DCC: variants seen among roughly 807,000 people sequenced by gnomAD.
DCC encodes DCC netrin 1 receptor, also known as netrin receptor DCC.
A neutral mutation model predicts 172.5 loss-of-function variants in DCC; 58 were observed. That is an observed-to-expected ratio of 0.34 (90% CI 0.27 to 0.42). DCC has a LOEUF of 0.42. Among genes scored for constraint, DCC ranks in the 10% least tolerant of loss-of-function variants. The pLI is 1.00. For missense variants in DCC, 1,740 were observed against 1,791.0 expected, an observed-to-expected ratio of 0.97 and a Z score of 0.51; for synonymous variants, 709 against 644.5, an observed-to-expected ratio of 1.10 and a Z score of -1.52.
chr18:52,417,087 A>G (rs372652776), intron 1 of DCC, among the ~76,000 whole-genome samples: 4 of 151,998 alleles, frequency 2.6e-5, no homozygotes, highest in Non-Finnish European at 4.4e-5. Context: ...AAATCTCTCA[A>G]CATTTGCTTA....
chr18:52,783,803 C>T (rs1041307424), intron 2 of DCC, among the ~76,000 whole-genome samples: 9 of 151,804 alleles, frequency 5.9e-5, no homozygotes, highest in Admixed American at 1.3e-4. Flanking sequence ...GCAATACATA[C>T]TTCATAAATT....
rs9953412 is a variant in DCC, at chr18:52,785,171, C to A, written c.412+32797C>A. Among the ~76,000 whole-genome samples the A allele has an allele frequency of 2.5e-3, 384 of 152,034 alleles. 2 individuals are homozygous for A. The highest frequency in any genetic ancestry group is 8.7e-3 in the African/African-American group (360 of 41,496). Reference sequence around the variant, plus strand: ...CCATCTTGATTCCTGTTGATTGACACCAGTAAGATTGGCACCATTTGCTCT... The same window carrying A: ...CCATCTTGATTCCTGTTGATTGACAACAGTAAGATTGGCACCATTTGCTCT... On this transcript the variant is annotated intron_variant, in intron 2 of 28. Coordinates refer to ENST00000442544, the MANE Select transcript of DCC (RefSeq NM_005215.4).
chr18:52,883,285 G>A (rs1037445831), intron 2 of DCC, among the ~76,000 whole-genome samples: 3 of 150,492 alleles, frequency 2.0e-5, no homozygotes, highest in African/African-American at 7.3e-5. Context: ...ACTTATTCCT[G>A]TCACTTTGTT....
At chr18:53,072,210 A>G (rs991955268) in intron 7 of DCC, among the ~76,000 whole-genome samples, 7 of 152,172 alleles carry the variant, frequency 4.6e-5, no homozygotes, top group African/African-American at 1.4e-4. Context: ...CAGGTAAGCA[A>G]TAAGTTAGGA....
intron 12 of DCC, among the ~76,000 whole-genome samples, chr18:53,278,167 G>A (rs2056828394): frequency 6.6e-6 from 1 of 151,878 alleles, no homozygotes; most frequent in Non-Finnish European, 1.5e-5. Flanking sequence ...TTGGCACAGT[G>A]TACATTAAAA....
At chr18:53,369,403 A>G (rs989457891) in intron 15 of DCC, among the ~76,000 whole-genome samples, 1 of 151,924 alleles carries the variant, frequency 6.6e-6, no homozygotes, top group Non-Finnish European at 1.5e-5. Context: ...AGGGTTTTAT[A>G]TGCATAAGAC....
At chr18:52,442,832 A>G (rs752043166) in intron 1 of DCC, among the ~76,000 whole-genome samples, 2 of 152,142 alleles carry the variant, frequency 1.3e-5, no homozygotes, top group Non-Finnish European at 2.9e-5. Context: ...ACCTTGCTCT[A>G]CATCGGGTCA....
At chr18:52,999,523 T>C (rs1286478351) in intron 5 of DCC, among the ~76,000 whole-genome samples, 1 of 151,944 alleles carries the variant, frequency 6.6e-6, no homozygotes, top group Non-Finnish European at 1.5e-5. Context: ...ACTAAGAAAG[T>C]GAATTTGGGC....
At chr18:52,532,222 T>C (rs1298949721) in intron 1 of DCC, among the ~76,000 whole-genome samples, 1 of 152,170 alleles carries the variant, frequency 6.6e-6, no homozygotes, top group Non-Finnish European at 1.5e-5. Context: ...TGTTGGCACT[T>C]AGAAAAAAAG....
chr18:53,258,211 T>G (rs983728603), intron 12 of DCC, among the ~76,000 whole-genome samples: 2 of 152,174 alleles, frequency 1.3e-5, no homozygotes, highest in African/African-American at 4.8e-5. Context: ...CTCTATTTCC[T>G]TCAGTTCTGC....
At chr18:52,582,013 T>G (rs2033561125) in intron 1 of DCC, among the ~76,000 whole-genome samples, 1 of 152,100 alleles carries the variant, frequency 6.6e-6, no homozygotes, top group Non-Finnish European at 1.5e-5. Context: ...GTATGCAACT[T>G]TTTATGATTC....
At chr18:53,169,644 T>G (rs1329422481) in intron 8 of DCC, among the ~76,000 whole-genome samples, 1 of 152,120 alleles carries the variant, frequency 6.6e-6, no homozygotes, top group Non-Finnish European at 1.5e-5. Context: ...ATTTGAAGGG[T>G]AATTATGTCT....
intron 17 of DCC, among the ~76,000 whole-genome samples, chr18:53,395,016 G>A (rs1429720731): frequency 6.6e-6 from 1 of 151,270 alleles, no homozygotes; most frequent in East Asian, 2.0e-4. Context: ...TGGTGGGGGG[G>A]CGGGGCGCCT....
At chr18:53,262,039 C>T (rs1005532917) in intron 12 of DCC, among the ~76,000 whole-genome samples, 1 of 152,128 alleles carries the variant, frequency 6.6e-6, no homozygotes, top group Non-Finnish European at 1.5e-5. Flanking sequence ...AGCACAATAA[C>T]AGAAAAGTTG....
At chr18:53,465,876 T>G (rs2045614158) in intron 24 of DCC, among the ~76,000 whole-genome samples, 3 of 152,086 alleles carry the variant, frequency 2.0e-5, no homozygotes, top group Admixed American at 2.0e-4. Flanking sequence ...ATGATTCTCT[T>G]GCCTCAGCCT....
At chr18:52,855,488 TGTG>T (rs1271206439) in intron 2 of DCC, among the ~76,000 whole-genome samples, 1 of 152,228 alleles carries the variant, frequency 6.6e-6, no homozygotes, top group Non-Finnish European at 1.5e-5. Flanking sequence ...ATGACCGTGA[TGTG>T]GTACAAAGAC....
intron 2 of DCC, among the ~76,000 whole-genome samples, chr18:52,898,546 A>T (rs1004683232): frequency 6.6e-6 from 1 of 152,168 alleles, no homozygotes; most frequent in African/African-American, 2.4e-5. Flanking sequence ...TCTGATGGAA[A>T]GATTTCTTGT....
At position 52,478,850 on chromosome 18, in the gene DCC, G is replaced by C. The variant is rs143793499; in HGVS notation, c.91+137972G>C. ...CCCATGATCCAGTAACTTCACACCA[G>C]GCCCCACCTCCAACATTGGGGATTA... is the stretch of plus-strand genomic sequence containing the variant. On this transcript the variant is annotated intron_variant, in intron 1 of 28. Transcript: ENST00000442544. Among the ~76,000 whole-genome samples, 29 of 152,230 alleles carry C rather than the reference G, an allele frequency of 1.9e-4. No individual in the cohort carries two copies. In the East Asian group the frequency reaches 5.6e-3, roughly 29 times the overall value.
chr18:52,563,056 CA>C (rs2033076077), intron 1 of DCC, among the ~76,000 whole-genome samples: 3 of 152,138 alleles, frequency 2.0e-5, no homozygotes, highest in Admixed American at 6.6e-5. Context: ...GTTCAAATAT[CA>C]GTTCATAAAA....
Sources: allele counts gnomAD v4.1 joint callset (sites outside exome capture counted in the v4.1 genomes callset), GRCh38; gene constraint gnomAD v4.1.1; transcripts MANE v1.5; gene names NCBI Gene and HGNC (gene_info 2026-07-23, HGNC 2026-07-21).